Variants in UBAP2L observed in about 807,000 individuals in gnomAD.
The protein encoded by UBAP2L is ubiquitin associated protein 2 like, also known as ubiquitin-associated protein 2-like.
In UBAP2L, 12 loss-of-function variants were observed where a neutral mutation model predicts 130.6. The ratio of observed to expected loss-of-function variants is 0.09; its 90% CI spans 0.06 to 0.15. The LOEUF (loss-of-function observed/expected upper bound fraction) is 0.15, where lower values mean the gene tolerates loss of function less well. Among genes scored for constraint, UBAP2L ranks in the 10% least tolerant of loss-of-function variants. UBAP2L has a pLI of 1.00. For synonymous variants in UBAP2L, 503 were observed against 524.7 expected (o/e 0.96, Z 0.57); for missense variants, 965 against 1,332.5 (o/e 0.72, Z 4.29).
At chr1:154,263,607 C>T in intron 24 of UBAP2L, 1 of 744,744 alleles carries the variant, frequency 1.3e-6, no homozygotes, top group Non-Finnish European at 1.6e-6. Flanking sequence ...CCCAGCATAG[C>T]CAAAGAACTA....
At chr1:154,235,373 T>C in intron 6 of UBAP2L, 82 bp downstream of exon 6, 1 of 637,820 alleles carries the variant, frequency 1.6e-6, no homozygotes, top group African/African-American at 1.9e-5. Flanking sequence ...TTTTTTTTAT[T>C]GGAGGTAGTC....
chr1:154,226,964 A>C (rs910512541), intron 2 of UBAP2L, among the ~76,000 whole-genome samples: 2 of 152,212 alleles, frequency 1.3e-5, no homozygotes, highest in Non-Finnish European at 2.9e-5. Context: ...CTGGACCTAC[A>C]GGTGTGCACC....
intron 1 of UBAP2L, among the ~76,000 whole-genome samples, chr1:154,223,275 G>C (rs1038333005): frequency 1.3e-5 from 2 of 152,144 alleles, no homozygotes; most frequent in Non-Finnish European, 2.9e-5. Flanking sequence ...ATATGCAATA[G>C]TGTATAGCTA....
At chr1:154,267,880 CTTTTTTTTTTTTTTTT>C (rs869153080) in intron 25 of UBAP2L, among the ~76,000 whole-genome samples, 2 of 52,056 alleles carry the variant, frequency 3.8e-5, no homozygotes, top group Non-Finnish European at 7.2e-5. Context: ...CTTATTTGGT[CTTTTTTTTTTTTTTTT>C]TTTTTTTTTT....
In UBAP2L at chr1:154,255,739, C is replaced by T. The variant is rs754452738; in HGVS notation, c.2141C>T (p.Ser714Leu). ...TCATCAACATCTTCTGGGCGCACTT[C>T]GACATCCACTCTTTTGGTAAGTGTG... ...LSSSTSSGRT[S>L]TSTLLHTSVE... Residue 714 changes from serine (S) to leucine (L), a missense_variant, in exon 18 of 27, where the codon TCG becomes TTG. By Grantham distance (145) the Ser-to-Leu change is moderately radical (BLOSUM62 -2). Around this residue, in one of 9 missense-constraint regions of UBAP2L, gnomAD observed 393 missense variants for 408.1 expected, o/e 0.96. Coordinates refer to ENST00000428931, the MANE Select transcript of UBAP2L (RefSeq NM_014847.4). 14 of 1,614,142 alleles carry T rather than the reference C, an allele frequency of 8.7e-6. No homozygotes were observed. The highest frequency in any genetic ancestry group is 6.6e-5 in the South Asian group (6 of 91,082).
rs548716324 is a variant in UBAP2L, at chr1:154,237,839, A to G, written c.703+703A>G. On this transcript the variant is annotated intron_variant, in intron 8 of 26. Coordinates refer to ENST00000428931, the MANE Select transcript of UBAP2L (RefSeq NM_014847.4). ...CTGGGCTGGATATAAATGTTTAAGG[A>G]TATGTTAAGCTGTGGTATACACCTA... Among the ~76,000 whole-genome samples, 183 of 152,190 alleles carry G rather than the reference A, an allele frequency of 1.2e-3. 1 individual carries two copies. The highest frequency in any genetic ancestry group is 4.3e-3 in the African/African-American group (178 of 41,502).
chr1:154,235,153 T>A, intron 5 of UBAP2L, 43 bp from the exon 6 acceptor site: 1 of 723,062 alleles, frequency 1.4e-6, no homozygotes, highest in Non-Finnish European at 2.6e-6. Flanking sequence ...GTGGTTTGGT[T>A]TTTTTGTTGT....
intron 24 of UBAP2L, among the ~76,000 whole-genome samples, chr1:154,265,030 C>T (rs1682806902): frequency 6.6e-6 from 1 of 152,210 alleles, no homozygotes; most frequent in South Asian, 2.1e-4. Flanking sequence ...TCTTTTACTT[C>T]AGTGTCTTTA....
At chr1:154,249,550 A>G (rs1420514449) in intron 12 of UBAP2L, 113 bp downstream of exon 12, 1 of 1,295,828 alleles carries the variant, frequency 7.7e-7, no homozygotes, top group Non-Finnish European at 1.1e-6. Flanking sequence ...AGGGGCAGCT[A>G]GTTGGTTACC....
In UBAP2L at chr1:154,255,161, G is replaced by T. The variant is rs1170578604; in HGVS notation, c.1919G>T (p.Gly640Val). The T allele has an allele frequency of 5.0e-6, 8 of 1,613,798 alleles. No homozygotes were observed. The highest frequency in any genetic ancestry group is 6.8e-6 in the Non-Finnish European group (8 of 1,179,940). ...TCTTCTAAATTTCTAGGTGCTACAG[G>T]CTCTGCAGTGAAATCTGATTCACCT... is the stretch of plus-strand genomic sequence containing the variant. ...QTTQSVEGAT[G>V]SAVKSDSPST... is the part of the protein sequence containing the mutation. The change falls in exon 17 of 27, where the codon GGC (glycine) becomes GTC (valine). Residue 640 changes from glycine (G) to valine (V), a missense_variant. By Grantham distance (109) the Gly-to-Val change is moderately radical. Around this residue, in one of 9 missense-constraint regions of UBAP2L, gnomAD observed 393 missense variants for 408.1 expected, o/e 0.96. Coordinates refer to ENST00000428931, the MANE Select transcript of UBAP2L (RefSeq NM_014847.4).
chr1:154,259,863 TTC>T, intron 21 of UBAP2L, 83 bp from the exon 22 acceptor site: 1 of 1,385,778 alleles, frequency 7.2e-7, no homozygotes, highest in East Asian at 2.3e-5. Context: ...TCTCACATTC[TTC>T]TGTTTTTTCC....
chr1:154,259,114 C>G (rs1228692722), intron 21 of UBAP2L, 84 bp downstream of exon 21: 7 of 1,238,698 alleles, frequency 5.7e-6, no homozygotes, highest in East Asian at 4.7e-5. Context: ...AGACATAGCT[C>G]TTTCCCATCC....
Position 154,270,481 on chromosome 1 carries a change from T to G in UBAP2L, c.*186T>G. ...ACCATCCCCACCCTGTTGTATGTAT[T>G]ATAGGATTTGTATTTTCTCCTTTTT... is the stretch of plus-strand genomic sequence containing the variant. On this transcript the variant is annotated 3_prime_UTR_variant, in exon 27 of 27. Coordinates refer to ENST00000428931, the MANE Select transcript of UBAP2L (RefSeq NM_014847.4). The G allele has an allele frequency of 6.7e-7, 1 of 1,485,992 alleles. No individual in the cohort carries two copies. The highest frequency in any genetic ancestry group is 8.9e-7 in the Non-Finnish European group (1 of 1,124,692). The allele number at this position is 1,485,992 out of a possible 1,614,324, so 92.1% of individuals were successfully genotyped here.
chr1:154,255,000 TC>T, intron 16 of UBAP2L, 110 bp downstream of exon 16: 1 of 1,418,654 alleles, frequency 7.0e-7, no homozygotes, highest in Non-Finnish European at 9.6e-7. Flanking sequence ...GCTGTGTAAT[TC>T]TCAGCATTAA....
rs116086111 is a variant in UBAP2L, at chr1:154,248,256, C to T, written c.1015-983C>T. Among the ~76,000 whole-genome samples the T allele has an allele frequency of 7.7e-3, 1,175 of 152,210 alleles. 12 individuals carry two copies. Among genetic ancestry groups the T allele is most frequent in the African/African-American group, 0.027 (1,122 of 41,538 alleles). ...TGCTGGGATTACAGGCGTGAGCCAC[C>T]GCATTCGGCCCAGTGATTACCCTAT... is the stretch of plus-strand genomic sequence containing the variant. On this transcript the variant is annotated intron_variant, in intron 11 of 26. Transcript: ENST00000428931.
chr1:154,228,590 A>G (rs761760163), intron 3 of UBAP2L, 25 bp from the exon 4 acceptor site: 5 of 1,561,676 alleles, frequency 3.2e-6, no homozygotes, highest in South Asian at 1.1e-5. Flanking sequence ...CCTGTTCATG[A>G]TGGTTGCTGT....
intron 6 of UBAP2L, among the ~76,000 whole-genome samples, chr1:154,236,030 T>A (rs1237798577): frequency 6.6e-6 from 1 of 152,168 alleles, no homozygotes; most frequent in Non-Finnish European, 1.5e-5. Context: ...CCTCTAGTCT[T>A]TATTGCTAGT....
At position 154,243,313 on chromosome 1, in the gene UBAP2L, A is replaced by C. The variant is rs987778949; in HGVS notation, c.842+11A>C. 2.5e-6 allele frequency: 4 copies of C among 1,609,314 alleles called. No individual in the cohort carries two copies. In the East Asian group the frequency reaches 6.7e-5, roughly 27 times the overall value. On this transcript the variant is annotated intron_variant, in intron 10 of 26. Transcript: ENST00000428931. ...CACTGCTGGTCAGAGGCAAGTGTGC[A>C]GTAAAATTTAGTACCATTTCTTAAA... is the stretch of plus-strand genomic sequence containing the variant.
chr1:154,233,718 A>T (rs764692351), intron 4 of UBAP2L, among the ~76,000 whole-genome samples: 1 of 150,900 alleles, frequency 6.6e-6, no homozygotes, highest in Non-Finnish European at 1.5e-5. Context: ...TCCTAAATTT[A>T]TGGGTGAGAT....
Sources: gnomAD v4.1 joint callset for allele counts (sites outside exome capture counted in the v4.1 genomes callset) on GRCh38, gnomAD v4.1.1 for gene constraint, gnomAD v4.1.1 regional missense constraint, MANE v1.5 for transcripts, NCBI Gene and HGNC (gene_info 2026-07-23, HGNC 2026-07-21) for gene names.